KNTC1: variants seen among roughly 807,000 people sequenced by gnomAD.
KNTC1 encodes kinetochore-associated protein 1.
In KNTC1, 253 loss-of-function variants were observed where a neutral mutation model predicts 314.4. The ratio of observed to expected loss-of-function variants is 0.80; its 90% CI spans 0.73 to 0.89. The LOEUF (loss-of-function observed/expected upper bound fraction) is 0.89, where lower values mean the gene tolerates loss of function less well. KNTC1 is among the 40% of genes least tolerant of loss of function. The pLI, the probability that KNTC1 is intolerant of heterozygous loss-of-function variation, is 0.00. For synonymous variants in KNTC1, 901 were observed against 901.4 expected, an observed-to-expected ratio of 1.00 and a Z score of 0.01; for missense variants, 2,475 against 2,572.9, an observed-to-expected ratio of 0.96 and a Z score of 0.82.
rs768773060 is a variant in KNTC1, at chr12:122,594,313, C to T, written c.4283C>T (p.Thr1428Ile). The change falls in exon 43 of 64, where the codon ACC becomes ATC. Residue 1428 changes from threonine to isoleucine, a missense_variant. By Grantham distance (89) the Thr-to-Ile change is moderately conservative (BLOSUM62 -1). Transcript: ENST00000333479. ...FQPVFRQHFL[T>I]KKDLIKALVE... ...CCAGTTTTCAGGCAACATTTTCTCA[C>T]CAAGAAAGACCTCATTAAAGCTCTT... 1 of 1,610,714 alleles carries T rather than the reference C, an allele frequency of 6.2e-7. No individual in the cohort carries two copies. Among genetic ancestry groups the T allele is most frequent in the Non-Finnish European group, 8.5e-7 (1 of 1,177,446 alleles).
chr12:122,618,612 G>A (rs1874054745), intron 59 of KNTC1, 67 bp downstream of exon 59: 1 of 1,146,572 alleles, frequency 8.7e-7, no homozygotes, highest in Admixed American at 1.8e-5. Flanking sequence ...CCTTCTAATA[G>A]ATATCTCTAA....
At chr12:122,575,668 C>G (rs1167963169) in intron 28 of KNTC1, 22 bp downstream of exon 28, 1 of 1,540,054 alleles carries the variant, frequency 6.5e-7, no homozygotes, top group East Asian at 2.3e-5. Context: ...GTCTACGAAA[C>G]AATGTTGTTA....
chr12:122,613,664 A>T lies in KNTC1; in HGVS notation c.5780A>T (p.Glu1927Val). Residue 1927 changes from glutamate to valine, a missense_variant, in exon 55 of 64, where the codon GAG becomes GTG. Physicochemically the swap from Glu to Val is moderately radical, Grantham distance 121. Coordinates refer to ENST00000333479, the MANE Select transcript of KNTC1 (RefSeq NM_014708.6). ...TGTATAACTTTTCTGGCATCATTTG[A>T]GACTTTGAATATCCCCATCACATAT... Reference protein sequence around the residue: ...LRCITFLASFETLNIPITYEL... With the variant: ...LRCITFLASFVTLNIPITYEL... 1 of 1,612,162 alleles carries T rather than the reference A, an allele frequency of 6.2e-7. No homozygotes were observed.
At chr12:122,573,323 C>G in intron 26 of KNTC1, 38 bp downstream of exon 26, 2 of 1,576,310 alleles carry the variant, frequency 1.3e-6, no homozygotes, top group Non-Finnish European at 1.7e-6. Flanking sequence ...TTTCTTGGAT[C>G]TATGCAGTGT....
At chr12:122,590,341 G>A (rs1443267600) in intron 40 of KNTC1, among the ~76,000 whole-genome samples, 1 of 152,008 alleles carries the variant, frequency 6.6e-6, no homozygotes, top group Admixed American at 6.6e-5. Flanking sequence ...TCTTCAGATA[G>A]TCATAAAGGA....
intron 57 of KNTC1, 43 bp downstream of exon 57, chr12:122,615,569 A>G (rs185337871): frequency 1.5e-4 from 217 of 1,466,804 alleles, no homozygotes; most frequent in Non-Finnish European, 1.9e-4. Context: ...TTTAGTCTTT[A>G]TACTTTCTGG....
At chr12:122,609,738 T>C (rs543980072) in intron 52 of KNTC1, among the ~76,000 whole-genome samples, 2 of 152,112 alleles carry the variant, frequency 1.3e-5, no homozygotes, top group Non-Finnish European at 2.9e-5. Context: ...GACCCTTTTA[T>C]GTTCTCTTAC....
rs891431101 is a variant in KNTC1 at position 122,546,166 on chromosome 12, A to G, written c.670-10A>G. Reference sequence around the variant, plus strand: ...AATTTGCATTTTAAGTACTGTGTTCATTTTTCCAGGGAACCGGTAATTGTG... The same window carrying G: ...AATTTGCATTTTAAGTACTGTGTTCGTTTTTCCAGGGAACCGGTAATTGTG... On this transcript the variant is annotated splice_polypyrimidine_tract_variant and intron_variant, in intron 8 of 63. Coordinates refer to ENST00000333479, the MANE Select transcript of KNTC1 (RefSeq NM_014708.6). The G allele has an allele frequency of 6.3e-7, 1 of 1,579,062 alleles. No individual in the cohort carries two copies. The highest frequency in any genetic ancestry group is 2.2e-5 in the East Asian group (1 of 44,610).
chr12:122,549,218 T>C (rs1475479335), intron 12 of KNTC1, among the ~76,000 whole-genome samples: 1 of 151,722 alleles, frequency 6.6e-6, no homozygotes, highest in Admixed American at 6.6e-5. Flanking sequence ...ATGTTCCAGC[T>C]AATTATTTTG....
At chr12:122,617,506 G>C in intron 57 of KNTC1, 1 of 340,276 alleles carries the variant, frequency 2.9e-6, no homozygotes, top group Non-Finnish European at 6.0e-6. Context: ...TTACAGGTGT[G>C]AGCCACCGCG....
At chr12:122,577,104 G>T (rs891384218) in intron 30 of KNTC1, 75 bp downstream of exon 30, 35 of 1,201,566 alleles carry the variant, frequency 2.9e-5, no homozygotes, top group Non-Finnish European at 3.7e-5. Flanking sequence ...TTGAGACAGG[G>T]TCTCGCTCCA....
Position 122,534,729 on chromosome 12 carries a change from A to G in KNTC1, c.195A>G (p.Gln65=). Residue 65 remains glutamine (Q), a synonymous_variant, in exon 3 of 64, where the codon CAA becomes CAG. Coordinates refer to ENST00000333479, the MANE Select transcript of KNTC1 (RefSeq NM_014708.6). ...LSDGFIIVAD[Q]SVILLDSICR... ...ATGGGTTTATTATTGTAGCCGACCA[A>G]TCAGTGATATTGCTTGACAGTATTT... 1.9e-6 allele frequency: 3 copies of G among 1,611,872 alleles called. No homozygotes were observed. The highest frequency in any genetic ancestry group is 2.5e-6 in the Non-Finnish European group (3 of 1,178,412).
chr12:122,587,629 C>T, intron 38 of KNTC1, 82 bp from the exon 39 acceptor site: 3 of 1,086,476 alleles, frequency 2.8e-6, no homozygotes, highest in African/African-American at 1.6e-5. Context: ...AAGAAGCAGG[C>T]TGTCCCTGAA....
intron 2 of KNTC1, among the ~76,000 whole-genome samples, chr12:122,532,953 C>G (rs1197103262): frequency 2.0e-5 from 3 of 152,158 alleles, no homozygotes; most frequent in Admixed American, 1.3e-4. Context: ...GTGGCATGTC[C>G]TGTAGTCCCA....
At chr12:122,533,189 CAG>C (rs1193966094) in intron 2 of KNTC1, among the ~76,000 whole-genome samples, 1 of 148,132 alleles carries the variant, frequency 6.8e-6, no homozygotes, top group African/African-American at 2.5e-5. Context: ...TTTTTTGAGG[CAG>C]AGTCTTGCTC....
rs757540281 is a variant in KNTC1 at position 122,594,231 on chromosome 12, A to G, written c.4246-45A>G. ...TGTTGCCCTTACTCTGATACATTTC[A>G]GTGTAGAGGGTTTTTTTGCTTTGTT... On this transcript the variant is annotated intron_variant, in intron 42 of 63. Coordinates refer to ENST00000333479, the MANE Select transcript of KNTC1 (RefSeq NM_014708.6). 4.8e-6 allele frequency: 5 copies of G among 1,051,446 alleles called. No homozygotes were observed. The South Asian group carries it at 6.5e-5, about 14-fold the overall frequency. The allele number at this position is 1,051,446 out of a possible 1,614,324, so 65.1% of individuals were successfully genotyped here.
rs771390477 is a variant in KNTC1 at position 122,621,942 on chromosome 12, C to G, written c.6341C>G (p.Thr2114Arg). 2 of 1,608,598 alleles carry G rather than the reference C, an allele frequency of 1.2e-6. No individual in the cohort carries two copies. Among genetic ancestry groups the G allele is most frequent in the Middle Eastern group, 1.6e-4 (1 of 6,080 alleles). ...AAGCAATTGGAAGAGCATATGAACA[C>G]GGGCCAGCTAGCAGGATTTTCACAT... ...ILKQLEEHMN[T>R]GQLAGFSHQI... Residue 2114 changes from threonine (T) to arginine (R), a missense_variant, in exon 61 of 64, where the codon ACG becomes AGG. Thr to Arg is a moderately conservative substitution (Grantham distance 71). Transcript: ENST00000333479.
At chr12:122,574,556 G>A (rs1419555842) in intron 27 of KNTC1, among the ~76,000 whole-genome samples, 176 bp downstream of exon 27, 1 of 152,108 alleles carries the variant, frequency 6.6e-6, no homozygotes, top group Non-Finnish European at 1.5e-5. Context: ...AATCTCCCTG[G>A]CTCAAGCAAT....
At position 122,602,865 on chromosome 12, in the gene KNTC1, T is replaced by A; in HGVS notation, c.4862T>A (p.Leu1621His). 6.2e-7 allele frequency: 1 copy of A among 1,611,102 alleles called. No homozygotes were observed. Among genetic ancestry groups the A allele is most frequent in the Non-Finnish European group, 8.5e-7 (1 of 1,177,454 alleles). The change falls in exon 47 of 64, where the codon CTC becomes CAC. Residue 1621 changes from leucine (L) to histidine (H), a missense_variant. By Grantham distance (99) the Leu-to-His change is moderately conservative. Coordinates refer to ENST00000333479, the MANE Select transcript of KNTC1 (RefSeq NM_014708.6). Reference sequence around the variant, plus strand: ...AGTGAAGAATCTTTCCCAACATTGCTCTTAATTTCGAAATTAATGAAGGTA... The same window carrying A: ...AGTGAAGAATCTTTCCCAACATTGCACTTAATTTCGAAATTAATGAAGGTA... ...ELSEESFPTL[L>H]LISKLMKFSL... is the part of the protein sequence containing the mutation.
Sources: gnomAD v4.1 joint callset for allele counts (sites outside exome capture counted in the v4.1 genomes callset) on GRCh38, gnomAD v4.1.1 for gene constraint, MANE v1.5 for transcripts, NCBI Gene and HGNC (gene_info 2026-07-23, HGNC 2026-07-21) for gene names.